NLRP1: variants seen among roughly 807,000 people sequenced by gnomAD.
The protein encoded by NLRP1 is NACHT, LRR and PYD domains-containing protein 1.
A neutral mutation model predicts 136.7 loss-of-function variants in NLRP1; 94 were observed. The observed-to-expected ratio is 0.69, with a 90% CI of 0.58 to 0.82. The LOEUF (loss-of-function observed/expected upper bound fraction) is 0.82, where lower values mean the gene tolerates loss of function less well. Among genes scored for constraint, NLRP1 ranks in the 40% least tolerant of loss-of-function variants. The pLI is 0.00. For synonymous variants in NLRP1, 690 were observed against 725.1 expected (o/e 0.95, Z 0.78); for missense variants, 1,575 against 1,802.7 (o/e 0.87, Z 2.29).
At chr17:5,512,195 G>A, downstream of NLRP1, 3 of 1,224,084 alleles carry the variant, frequency 2.5e-6, no homozygotes, top group South Asian at 2.4e-5. Context: ...TTCTTTAAAT[G>A]TTCCACAGAG....
chr17:5,531,790 C>A (rs1296939269), intron 11 of NLRP1, among the ~76,000 whole-genome samples: 1 of 152,194 alleles, frequency 6.6e-6, no homozygotes, highest in African/African-American at 2.4e-5. Context: ...GAGGGCAGGG[C>A]TGCCATATTC....
At chr17:5,528,921 A>G (rs1159681866) in intron 12 of NLRP1, among the ~76,000 whole-genome samples, 1 of 152,230 alleles carries the variant, frequency 6.6e-6, no homozygotes, top group Non-Finnish European at 1.5e-5. Context: ...TAACTGATGT[A>G]AGCTATAACA....
At chr17:5,581,834 C>G (rs758996514) in intron 3 of NLRP1, 25 bp downstream of exon 3, 1 of 1,597,334 alleles carries the variant, frequency 6.3e-7, no homozygotes, top group South Asian at 1.1e-5. Flanking sequence ...CTCACCACCC[C>G]GCCAGGAGCT....
At chr17:5,527,946 G>C (rs1490406967) in intron 12 of NLRP1, among the ~76,000 whole-genome samples, 3 of 152,228 alleles carry the variant, frequency 2.0e-5, no homozygotes, top group Admixed American at 2.0e-4. Context: ...CTGAGAGTGG[G>C]GAATGAGGGG....
intron 3 of NLRP1, among the ~76,000 whole-genome samples, chr17:5,572,970 G>A (rs1328902259): frequency 6.6e-6 from 1 of 152,156 alleles, no homozygotes; most frequent in Non-Finnish European, 1.5e-5. Flanking sequence ...GACAGTGGGT[G>A]CAGGACAGTG....
Position 5,514,759 on chromosome 17 carries a change from T to C in NLRP1, c.4417A>G (p.Ser1473Gly). ...CAAGGGCTGGTGTTGATACTTCAGC[T>C]GCTGAGTGGCAGGAGTCCCTTTTTG... ...GSKKGLLPLSS is the reference protein window; with the variant it reads ...GSKKGLLPLSG The change falls in exon 17 of 17, where the codon AGC becomes GGC. Residue 1473 changes from serine (S) to glycine (G), a missense_variant. Transcript: ENST00000572272. The C allele has an allele frequency of 6.2e-7, 1 of 1,614,004 alleles. No individual in the cohort carries two copies. Among genetic ancestry groups the C allele is most frequent in the South Asian group, 1.1e-5 (1 of 91,084 alleles).
intron 4 of NLRP1, among the ~76,000 whole-genome samples, chr17:5,553,886 T>C (rs1340200556): frequency 6.7e-6 from 1 of 150,342 alleles, no homozygotes; most frequent in African/African-American, 2.5e-5. Context: ...TCTGCACTGC[T>C]CAGCATAGGG....
At position 5,537,603 on chromosome 17, in the gene NLRP1, C is replaced by T. The variant is rs576577501; in HGVS notation, c.2871-663G>A. Among the ~76,000 whole-genome samples, 14 of 152,274 alleles carry T rather than the reference C, an allele frequency of 9.2e-5. No individual in the cohort carries two copies. In the South Asian group the frequency reaches 1.5e-3, roughly 16 times the overall value. On this transcript the variant is annotated intron_variant, in intron 7 of 16. Coordinates refer to ENST00000572272, the MANE Select transcript of NLRP1 (RefSeq NM_033004.4). The surrounding 1 kb of genome is among the most constrained non-coding windows in gnomAD (Gnocchi z 4.5). ...CTGTTCTGAGGCCCAGACAAGGAGG[C>T]GGTGAAAAGACCCTGTCTTCTGCGA...
At chr17:5,524,483 G>A (rs561374251) in intron 12 of NLRP1, among the ~76,000 whole-genome samples, 1 of 152,310 alleles carries the variant, frequency 6.6e-6, no homozygotes, top group South Asian at 2.1e-4. Flanking sequence ...TATTTCCCTT[G>A]TGTTATTGCC....
At position 5,532,812 on chromosome 17, in the gene NLRP1, C is replaced by T. The variant is rs768637878; in HGVS notation, c.3296+10G>A. On this transcript the variant is annotated intron_variant, in intron 11 of 16. Coordinates refer to ENST00000572272, the MANE Select transcript of NLRP1 (RefSeq NM_033004.4). Reference sequence around the variant, plus strand: ...GGCCAGCCTGGGACCAGCAGAGCCCCCTCACTCACCGGTACAAGTTCTTTT... The same window carrying T: ...GGCCAGCCTGGGACCAGCAGAGCCCTCTCACTCACCGGTACAAGTTCTTTT... The T allele has an allele frequency of 7.6e-6, 12 of 1,586,016 alleles. No individual in the cohort carries two copies. The highest frequency in any genetic ancestry group is 9.4e-6 in the Non-Finnish European group (11 of 1,168,136).
chr17:5,510,070 C>CTT (rs749349135), downstream of NLRP1, among the ~76,000 whole-genome samples: 15,436 of 148,370 alleles, frequency 0.1, 908 homozygotes, highest in South Asian at 0.21. Flanking sequence ...TATTCTTCTT[C>CTT]TTCTTTTTTT....
Position 5,583,619 on chromosome 17 carries a change from C to T in NLRP1, c.271+68G>A, listed in dbSNP as rs2151832681. ...CAGGGAGGGCTCAGTGGTGGGGTCC[C>T]AAGAGGGCAGGGCAGGCATGAGGGC... On this transcript the variant is annotated intron_variant, in intron 1 of 16. Coordinates refer to ENST00000572272, the MANE Select transcript of NLRP1 (RefSeq NM_033004.4). This position sits in a 1 kb window ranked among gnomAD's most constrained non-coding sequence, Gnocchi z 4.5. The T allele has an allele frequency of 6.8e-7, 1 of 1,477,038 alleles. No individual in the cohort carries two copies. Among genetic ancestry groups the T allele is most frequent in the Non-Finnish European group, 9.1e-7 (1 of 1,098,382 alleles). The allele number at this position is 1,477,038 out of a possible 1,614,324, so 91.5% of individuals were successfully genotyped here.
chr17:5,572,325 G>C (rs1904460854), intron 3 of NLRP1, among the ~76,000 whole-genome samples: 2 of 152,142 alleles, frequency 1.3e-5, no homozygotes, highest in Admixed American at 6.5e-5. Flanking sequence ...CCACAGAATG[G>C]GAGAAAATAT....
In NLRP1 at chr17:5,542,064, C is replaced by T. The variant is rs199564187; in HGVS notation, c.2529-37G>A. The T allele has an allele frequency of 8.2e-6, 13 of 1,591,928 alleles. No individual in the cohort carries two copies. In the African/African-American group the frequency reaches 1.3e-4, roughly 16 times the overall value. On this transcript the variant is annotated intron_variant, in intron 5 of 16. Coordinates refer to ENST00000572272, the MANE Select transcript of NLRP1 (RefSeq NM_033004.4). ...ACACACCCATGGTCTTCAGGTTACTCACCTGTTGATTCAACAGACACCCAT... is the reference window on the plus strand; with the variant it reads ...ACACACCCATGGTCTTCAGGTTACTTACCTGTTGATTCAACAGACACCCAT...
intron 15 of NLRP1, among the ~76,000 whole-genome samples, chr17:5,507,933 A>T (rs1035222688): frequency 6.6e-6 from 1 of 152,140 alleles, no homozygotes; most frequent in South Asian, 2.1e-4. Context: ...CAGGAGTTCG[A>T]GACCAGCCTG....
chr17:5,532,813 C>T lies in NLRP1; in HGVS notation c.3296+9G>A. 1 of 1,587,166 alleles carries T rather than the reference C, an allele frequency of 6.3e-7. No homozygotes were observed. On this transcript the variant is annotated intron_variant, in intron 11 of 16. Transcript: ENST00000572272. ...GCCAGCCTGGGACCAGCAGAGCCCCCTCACTCACCGGTACAAGTTCTTTTC... is the reference window on the plus strand; with the variant it reads ...GCCAGCCTGGGACCAGCAGAGCCCCTTCACTCACCGGTACAAGTTCTTTTC...
At chr17:5,546,345 T>C (rs11652907) in intron 5 of NLRP1, among the ~76,000 whole-genome samples, 25,939 of 152,152 alleles carry the variant, frequency 0.17, 3,013 homozygotes, top group East Asian at 0.59. Flanking sequence ...AAACCCTCAA[T>C]GTCCCTCCAC....
chr17:5,561,205 C>T (rs912142520), intron 3 of NLRP1, among the ~76,000 whole-genome samples: 5 of 152,192 alleles, frequency 3.3e-5, no homozygotes, highest in East Asian at 3.9e-4. Flanking sequence ...TATAAGTACC[C>T]GCCATCACGC....
chr17:5,563,988 T>C (rs1320769588), intron 3 of NLRP1, among the ~76,000 whole-genome samples: 1 of 152,218 alleles, frequency 6.6e-6, no homozygotes, highest in Non-Finnish European at 1.5e-5. Flanking sequence ...GGGCCTATAT[T>C]CAGCATCCTT....
Sources: gnomAD v4.1 joint callset for allele counts (sites outside exome capture counted in the v4.1 genomes callset) on GRCh38, gnomAD v4.1.1 for gene constraint, Gnocchi (gnomAD v3.1) non-coding constraint, MANE v1.5 for transcripts, NCBI Gene and HGNC (gene_info 2026-07-23, HGNC 2026-07-21) for gene names.